The following ANO2 variants were observed in gnomAD, a reference collection of about 807,000 sequenced individuals.
ANO2 encodes the protein anoctamin-2.
ANO2 carries 101 observed loss-of-function variants against 124.2 expected under a neutral mutation model. That is an observed-to-expected ratio of 0.81 (90% confidence interval 0.69 to 0.96). ANO2 has a LOEUF of 0.96. Ranked by LOEUF, ANO2 falls within the 40% of genes least tolerant of loss-of-function variation. The probability of loss-of-function intolerance (pLI) is 0.00; values close to 1 mark genes in which losing one functional copy is unlikely to be tolerated. For missense variants in ANO2, 1,293 were observed against 1,274.5 expected (o/e 1.01, Z -0.22); for synonymous variants, 486 against 482.5 (o/e 1.01, Z -0.09).
chr12:5,623,212 C>T (rs1945215227), intron 16 of ANO2, among the ~76,000 whole-genome samples: 2 of 152,116 alleles, frequency 1.3e-5, no homozygotes, highest in Admixed American at 6.5e-5. Context: ...CTTCAGATTG[C>T]ATGGCTATGG....
intron 3 of ANO2, among the ~76,000 whole-genome samples, chr12:5,869,500 GAGA>G (rs1955515637): frequency 6.6e-6 from 1 of 152,176 alleles, no homozygotes; most frequent in Admixed American, 6.5e-5. Flanking sequence ...ACATGACAAA[GAGA>G]AGAATTTCCC....
chr12:5,706,419 A>T (rs1465004161), intron 14 of ANO2, among the ~76,000 whole-genome samples: 1 of 151,274 alleles, frequency 6.6e-6, no homozygotes, highest in Non-Finnish European at 1.5e-5. Context: ...TCAGGAATAT[A>T]CCTGCCCCGG....
chr12:5,847,676 G>C (rs1954725824), intron 4 of ANO2, among the ~76,000 whole-genome samples: 2 of 152,228 alleles, frequency 1.3e-5, no homozygotes, highest in Middle Eastern at 3.4e-3. Context: ...ACAATAACAA[G>C]TACCTGAGAA....
intron 4 of ANO2, among the ~76,000 whole-genome samples, chr12:5,853,260 A>G (rs532466221): frequency 4.7e-4 from 70 of 149,866 alleles, no homozygotes; most frequent in African/African-American, 1.6e-3. Context: ...CTTCTCCCCA[A>G]CAAAGTGCTG....
chr12:5,940,917 C>T (rs1242411411), intron 1 of ANO2, among the ~76,000 whole-genome samples: 2 of 152,038 alleles, frequency 1.3e-5, no homozygotes, highest in African/African-American at 4.8e-5. Flanking sequence ...TAGATTTCAG[C>T]TATAAAAAAG....
Position 5,908,484 on chromosome 12 carries a change from C to T in ANO2, c.534+12556G>A, listed in dbSNP as rs2136289617. ...CGACTGCCCAGGGTGCTGGGCTGGA[C>T]AGAAAGTCCAACTGCTGGCCACAGT... On this transcript the variant is annotated intron_variant, in intron 3 of 24. Coordinates refer to ENST00000682330, the MANE Select transcript of ANO2 (RefSeq NM_001364791.2). This position sits in a 1 kb window ranked among gnomAD's most constrained non-coding sequence, Gnocchi z 4.7. 6.6e-6 allele frequency among the ~76,000 whole-genome samples: 1 copy of T among 152,320 alleles called. No homozygotes were observed. The highest frequency in any genetic ancestry group is 2.4e-5 in the African/African-American group (1 of 41,572).
At chr12:5,712,587 G>C (rs1343022607) in intron 14 of ANO2, among the ~76,000 whole-genome samples, 3 of 152,172 alleles carry the variant, frequency 2.0e-5, no homozygotes, top group African/African-American at 7.2e-5. Flanking sequence ...CTGGCCTCCA[G>C]AACTATGAGA....
At chr12:5,613,304 T>C (rs1944639437) in intron 17 of ANO2, among the ~76,000 whole-genome samples, 1 of 152,158 alleles carries the variant, frequency 6.6e-6, no homozygotes, top group Non-Finnish European at 1.5e-5. Flanking sequence ...CCTTCTTCCC[T>C]AGCTGGTGTC....
rs1444077886 is a variant in ANO2, at chr12:5,615,285, G to A, written c.1829C>T (p.Thr610Ile). Residue 610 changes from threonine to isoleucine, a missense_variant, in exon 17 of 25, where the codon ACA becomes ATA. Physicochemically the swap from Thr to Ile is moderately conservative, Grantham distance 89. Transcript: ENST00000682330. ...CAGGCGCTCTTCAAAAGTCTGTTCT[G>A]TTTTCGGAACCTCTGTAAGAGAAGA... ...KWLTKIEVPK[T>I]EQTFEERLIL... 2 of 1,612,872 alleles carry A rather than the reference G, an allele frequency of 1.2e-6. No homozygotes were observed. The highest frequency in any genetic ancestry group is 1.7e-5 in the Admixed American group (1 of 59,960).
chr12:5,914,349 C>T (rs1941253084), intron 3 of ANO2, among the ~76,000 whole-genome samples: 1 of 152,222 alleles, frequency 6.6e-6, no homozygotes, highest in African/African-American at 2.4e-5. Context: ...AGATGCCAGA[C>T]ATCCAGGCTC....
Position 5,784,586 on chromosome 12 carries a change from T to C in ANO2, c.1055+14921A>G, listed in dbSNP as rs561583659. ...GCATCCTGAGCTCAGGCTTGGCCTC[T>C]TGGACTCTGCCTCAAAGCAAAAATC... On this transcript the variant is annotated intron_variant, in intron 10 of 24. Coordinates refer to ENST00000682330, the MANE Select transcript of ANO2 (RefSeq NM_001364791.2). 6.0e-4 allele frequency among the ~76,000 whole-genome samples: 91 copies of C among 152,234 alleles called. 2 individuals carry two copies. Among genetic ancestry groups the C allele is most frequent in the Non-Finnish European group, 5.9e-5 (4 of 68,050 alleles).
At position 5,563,126 on chromosome 12, in the gene ANO2, C is replaced by T. The variant is rs1178713292; in HGVS notation, c.*173G>A. On this transcript the variant is annotated 3_prime_UTR_variant, in exon 25 of 25. Transcript: ENST00000682330. ...TCTGAGATGTAGCATCATTTCTCTT[C>T]CTTCCTACACTCATTCTGTCAGGCT... 2 of 892,718 alleles carry T rather than the reference C, an allele frequency of 2.2e-6. No individual in the cohort carries two copies. The highest frequency in any genetic ancestry group is 1.7e-5 in the African/African-American group (1 of 59,150). 55.3% of individuals were successfully genotyped at this position (892,718 alleles called of 1,614,324 possible).
chr12:5,640,010 C>G (rs1209111394), intron 15 of ANO2, among the ~76,000 whole-genome samples: 1 of 152,054 alleles, frequency 6.6e-6, no homozygotes, highest in Admixed American at 6.5e-5. Context: ...TCCGACAATT[C>G]CCCCCTTACA....
intron 3 of ANO2, among the ~76,000 whole-genome samples, chr12:5,916,513 A>AAAAAAAAAAAAAT (rs1941386593): frequency 6.7e-6 from 1 of 149,002 alleles, no homozygotes; most frequent in Non-Finnish European, 1.5e-5. Flanking sequence ...AAAAAAAAAA[A>AAAAAAAAAAAAAT]GGCAGCAGTA....
intron 14 of ANO2, among the ~76,000 whole-genome samples, chr12:5,722,377 G>A (rs1950266157): frequency 6.6e-6 from 1 of 152,070 alleles, no homozygotes; most frequent in Non-Finnish European, 1.5e-5. Flanking sequence ...CGCAGTGGCG[G>A]GCGCCTGTAG....
chr12:5,640,035 G>A (rs1433330490), intron 15 of ANO2, among the ~76,000 whole-genome samples: 1 of 152,148 alleles, frequency 6.6e-6, no homozygotes, highest in Non-Finnish European at 1.5e-5. Context: ...GAAAACAGGA[G>A]GGACCATTCA....
intron 16 of ANO2, among the ~76,000 whole-genome samples, chr12:5,622,092 C>T (rs896760085): frequency 1.3e-5 from 2 of 151,998 alleles, no homozygotes; most frequent in Admixed American, 6.6e-5. Context: ...TCTGAGGGTC[C>T]GAAAATTTGG....
intron 14 of ANO2, among the ~76,000 whole-genome samples, chr12:5,710,831 G>C (rs534833353): frequency 5.9e-5 from 9 of 152,278 alleles, no homozygotes; most frequent in African/African-American, 1.9e-4. Context: ...GAGGCTGATA[G>C]AGTATGAATG....
intron 3 of ANO2, among the ~76,000 whole-genome samples, chr12:5,864,483 A>T (rs554951250): frequency 1.3e-5 from 2 of 152,378 alleles, no homozygotes; most frequent in African/African-American, 4.8e-5. Flanking sequence ...CCTATTCATC[A>T]CAGTGAAATT....
Sources: gnomAD v4.1 joint callset for allele counts (sites outside exome capture counted in the v4.1 genomes callset) on GRCh38, gnomAD v4.1.1 for gene constraint, Gnocchi (gnomAD v3.1) non-coding constraint, MANE v1.5 for transcripts, NCBI Gene and HGNC (gene_info 2026-07-23, HGNC 2026-07-21) for gene names.